The following CTNNA2 variants were observed in gnomAD, a reference collection of about 807,000 sequenced individuals.
CTNNA2 encodes the protein catenin alpha 2, also known as catenin alpha-2.
Under a neutral mutation model 101.0 loss-of-function variants are expected in CTNNA2, and 42 were observed. The ratio of observed to expected loss-of-function variants is 0.42; its 90% confidence interval spans 0.32 to 0.54. CTNNA2 has a LOEUF of 0.54. Among genes scored for constraint, CTNNA2 ranks in the 20% least tolerant of loss-of-function variants. The pLI, the probability that CTNNA2 is intolerant of heterozygous loss-of-function variation, is 0.14. For synonymous variants in CTNNA2, 450 were observed against 456.4 expected, an observed-to-expected ratio of 0.99 and a Z score of 0.18; for missense variants, 871 against 1,223.1, an observed-to-expected ratio of 0.71 and a Z score of 4.29.
intron 4 of CTNNA2, among the ~76,000 whole-genome samples, chr2:79,491,799 G>T (rs1481814656): frequency 6.6e-6 from 1 of 152,146 alleles, no homozygotes; most frequent in Non-Finnish European, 1.5e-5. Flanking sequence ...ATGCTTTTAA[G>T]CAGCAACAGA....
intron 2 of CTNNA2, among the ~76,000 whole-genome samples, chr2:79,737,399 A>G (rs573426589): frequency 1.7e-3 from 257 of 151,470 alleles, no homozygotes; most frequent in African/African-American, 5.9e-3. Flanking sequence ...TTTTCGCTTC[A>G]GCTAGACTCC....
At chr2:80,436,830 C>T (rs75700693) in intron 9 of CTNNA2, among the ~76,000 whole-genome samples, 6,699 of 152,196 alleles carry the variant, frequency 0.044, 203 homozygotes, top group South Asian at 0.13. Context: ...AGGACCTCCT[C>T]GCCTCCCAAA....
intron 2 of CTNNA2, among the ~76,000 whole-genome samples, chr2:79,214,795 G>A (rs1005469111): frequency 1.3e-5 from 2 of 152,040 alleles, no homozygotes; most frequent in Non-Finnish European, 1.5e-5. Flanking sequence ...GCCTAATAAG[G>A]GAACTGGGCA....
chr2:80,629,235 G>C (rs1412660283), intron 18 of CTNNA2, among the ~76,000 whole-genome samples: 1 of 152,160 alleles, frequency 6.6e-6, no homozygotes, highest in East Asian at 1.9e-4. Flanking sequence ...ACAGCAGTGA[G>C]CAACCAACGA....
intron 2 of CTNNA2, among the ~76,000 whole-genome samples, chr2:79,263,809 C>G (rs557314276): frequency 6.6e-6 from 1 of 152,218 alleles, no homozygotes; most frequent in Non-Finnish European, 1.5e-5. Flanking sequence ...AGATGCAGCC[C>G]CTCGATCTTG....
At chr2:79,665,314 T>C (rs1045696950) in intron 2 of CTNNA2, among the ~76,000 whole-genome samples, 1 of 152,166 alleles carries the variant, frequency 6.6e-6, no homozygotes, top group Admixed American at 6.6e-5. Context: ...TCTCACAGTG[T>C]TTTGATTCCT....
intron 7 of CTNNA2, among the ~76,000 whole-genome samples, chr2:79,960,309 A>G (rs1689541842): frequency 6.6e-6 from 1 of 152,218 alleles, no homozygotes; most frequent in African/African-American, 2.4e-5. Flanking sequence ...TTGGTGTTTG[A>G]CATGTTTAAT....
At chr2:79,921,718 T>C (rs549959458) in intron 7 of CTNNA2, among the ~76,000 whole-genome samples, 1 of 152,286 alleles carries the variant, frequency 6.6e-6, no homozygotes, top group South Asian at 2.1e-4. Flanking sequence ...TTCAGTAATC[T>C]ATTAACTCTG....
chr2:79,366,330 T>G (rs892235258), intron 3 of CTNNA2, among the ~76,000 whole-genome samples: 2 of 152,174 alleles, frequency 1.3e-5, no homozygotes, highest in African/African-American at 4.8e-5. Context: ...TTCATACAAG[T>G]GGAACACAGG....
At chr2:80,371,632 C>T (rs1473069048) in intron 7 of CTNNA2, among the ~76,000 whole-genome samples, 4 of 150,940 alleles carry the variant, frequency 2.7e-5, no homozygotes, top group Non-Finnish European at 1.5e-5. Flanking sequence ...GAATGGGGAG[C>T]ATTGTAGATT....
intron 3 of CTNNA2, among the ~76,000 whole-genome samples, chr2:79,371,870 G>C (rs1050199605): frequency 6.6e-6 from 1 of 152,122 alleles, no homozygotes; most frequent in African/African-American, 2.4e-5. Context: ...TGGTGCTAGG[G>C]AATAGGGAGG....
At chr2:80,522,482 G>T (rs1317706762) in intron 9 of CTNNA2, among the ~76,000 whole-genome samples, 3 of 152,160 alleles carry the variant, frequency 2.0e-5, no homozygotes, top group Non-Finnish European at 4.4e-5. Flanking sequence ...GGAATAAAGC[G>T]GTTGGAGATA....
chr2:79,913,949 C>G (rs1283367763), intron 7 of CTNNA2, among the ~76,000 whole-genome samples: 1 of 151,828 alleles, frequency 6.6e-6, no homozygotes, highest in Admixed American at 6.6e-5. Context: ...GGGCGGATCA[C>G]GAGGTCAGGA....
At chr2:79,232,552 C>T (rs1323837145) in intron 2 of CTNNA2, among the ~76,000 whole-genome samples, 1 of 152,128 alleles carries the variant, frequency 6.6e-6, no homozygotes, top group Non-Finnish European at 1.5e-5. Flanking sequence ...GCTGGCTTTA[C>T]AGAATGAATT....
chr2:79,560,489 T>G (rs1192467877), intron 1 of CTNNA2, among the ~76,000 whole-genome samples: 1 of 151,904 alleles, frequency 6.6e-6, no homozygotes, highest in African/African-American at 2.4e-5. Context: ...GAAGTTGGCT[T>G]TAATTCAGGT....
Position 80,205,572 on chromosome 2 carries a change from A to G in CTNNA2, c.1057-187639A>G, listed in dbSNP as rs796247773. On this transcript the variant is annotated intron_variant, in intron 7 of 18. Coordinates refer to ENST00000402739, the MANE Select transcript of CTNNA2 (RefSeq NM_001282597.3). ...ATTAAATGAAACAATTTTCTTCTTT[A>G]GCAGGAATATATTTCAATCAGCAAA... 1.3e-3 allele frequency among the ~76,000 whole-genome samples: 192 copies of G among 152,354 alleles called. 1 individual carries two copies. The highest frequency in any genetic ancestry group is 4.4e-3 in the African/African-American group (184 of 41,584).
chr2:79,933,753 C>T (rs1042666992), intron 7 of CTNNA2, among the ~76,000 whole-genome samples: 1 of 152,162 alleles, frequency 6.6e-6, no homozygotes. Flanking sequence ...TCGCACCCAG[C>T]CCTGGAATTA....
chr2:79,745,913 T>G (rs1671612426), intron 3 of CTNNA2, among the ~76,000 whole-genome samples: 1 of 152,174 alleles, frequency 6.6e-6, no homozygotes, highest in Non-Finnish European at 1.5e-5. Flanking sequence ...CTTTTGGATA[T>G]AGACTCAGAG....
At chr2:80,006,359 TAAA>T (rs5832428) in intron 7 of CTNNA2, among the ~76,000 whole-genome samples, 3 of 139,040 alleles carry the variant, frequency 2.2e-5, no homozygotes, top group Admixed American at 7.2e-5. Flanking sequence ...AGAAGTGCAG[TAAA>T]AAAAAAAAAA....
Sources: allele counts gnomAD v4.1 joint callset (sites outside exome capture counted in the v4.1 genomes callset), GRCh38; gene constraint gnomAD v4.1.1; transcripts MANE v1.5; gene names NCBI Gene and HGNC (gene_info 2026-07-23, HGNC 2026-07-21).